TRPM3: variants seen among roughly 807,000 people sequenced by gnomAD.
TRPM3 encodes the protein long transient receptor potential channel 3.
In TRPM3, 77 loss-of-function variants were observed where a neutral mutation model predicts 181.2. That is an observed-to-expected ratio of 0.42 (90% CI 0.35 to 0.51). The LOEUF is 0.51. Among genes scored for constraint, TRPM3 ranks in the 20% least tolerant of loss-of-function variants. TRPM3 has a pLI of 0.01. For synonymous variants in TRPM3, 745 were observed against 796.4 expected, an observed-to-expected ratio of 0.94 and a Z score of 1.09; for missense variants, 1,759 against 2,196.7, an observed-to-expected ratio of 0.80 and a Z score of 3.98.
chr9:71,180,726 G>A (rs192360429), intron 1 of TRPM3, among the ~76,000 whole-genome samples: 4 of 152,226 alleles, frequency 2.6e-5, no homozygotes, highest in African/African-American at 9.6e-5. Context: ...AAGAAAGCTT[G>A]TATCATATAA....
chr9:70,618,811 ACT>A, intron 17 of TRPM3, 54 bp downstream of exon 17: 1 of 1,506,634 alleles, frequency 6.6e-7, no homozygotes, highest in Non-Finnish European at 9.1e-7. Flanking sequence ...GGCTGGGAAA[ACT>A]CTAACCCACC....
chr9:70,751,748 GA>G (rs2076165098), intron 8 of TRPM3, among the ~76,000 whole-genome samples: 8 of 152,058 alleles, frequency 5.3e-5, no homozygotes, highest in Non-Finnish European at 1.0e-4. Flanking sequence ...AAAAATTATG[GA>G]GGAAATGCAA....
At chr9:71,131,963 T>C (rs1402327656) in intron 1 of TRPM3, among the ~76,000 whole-genome samples, 1 of 152,204 alleles carries the variant, frequency 6.6e-6, no homozygotes, top group African/African-American at 2.4e-5. Flanking sequence ...AAGGCTTAAC[T>C]TGATGTCATA....
intron 1 of TRPM3, among the ~76,000 whole-genome samples, chr9:70,946,166 G>T (rs1311111286): frequency 6.6e-6 from 1 of 152,074 alleles, no homozygotes; most frequent in Non-Finnish European, 1.5e-5. Context: ...TAGAGACAGG[G>T]TCTAGCTATG....
chr9:71,112,686 T>C (rs1432362971), intron 1 of TRPM3, among the ~76,000 whole-genome samples: 1 of 152,156 alleles, frequency 6.6e-6, no homozygotes, highest in Non-Finnish European at 1.5e-5. Context: ...TTGAACAAGA[T>C]ATGATTCTCA....
intron 1 of TRPM3, among the ~76,000 whole-genome samples, chr9:71,353,116 T>C (rs576445748): frequency 3.4e-4 from 52 of 152,198 alleles, no homozygotes; most frequent in African/African-American, 1.3e-3. Flanking sequence ...CTGCTTGAAA[T>C]AACCTTCAGG....
intron 1 of TRPM3, among the ~76,000 whole-genome samples, chr9:71,442,717 T>A (rs572738485): frequency 1.3e-5 from 2 of 152,336 alleles, no homozygotes; most frequent in African/African-American, 4.8e-5. Flanking sequence ...AATGCTGGAT[T>A]TTTTTCTTTA....
intron 1 of TRPM3, among the ~76,000 whole-genome samples, chr9:71,129,632 A>G (rs2074252178): frequency 6.6e-6 from 1 of 152,194 alleles, no homozygotes; most frequent in South Asian, 2.1e-4. Context: ...GGTCTATCTT[A>G]TTCTATAACC....
chr9:70,664,475 A>T (rs2061537935), intron 9 of TRPM3, among the ~76,000 whole-genome samples: 1 of 152,138 alleles, frequency 6.6e-6, no homozygotes, highest in Non-Finnish European at 1.5e-5. Flanking sequence ...TTGCAGTGCA[A>T]GAGTCTTAAT....
At chr9:71,177,841 T>C (rs72733807) in intron 1 of TRPM3, among the ~76,000 whole-genome samples, 13,397 of 151,628 alleles carry the variant, frequency 0.088, 678 homozygotes, top group Non-Finnish European at 0.11. Flanking sequence ...TTGACTTTCA[T>C]GAGGTTTTCA....
intron 9 of TRPM3, among the ~76,000 whole-genome samples, chr9:70,646,675 A>G (rs931260161): frequency 3.3e-5 from 5 of 152,094 alleles, no homozygotes; most frequent in Admixed American, 6.6e-5. Flanking sequence ...TATGTAACAA[A>G]CCTGCATGTT....
intron 3 of TRPM3, among the ~76,000 whole-genome samples, chr9:70,849,639 G>A (rs2095143243): frequency 6.6e-6 from 1 of 152,184 alleles, no homozygotes; most frequent in African/African-American, 2.4e-5. Context: ...GGACAATACA[G>A]CATATAAATG....
chr9:71,383,936 TAAGTTA>T (rs2092865740), intron 1 of TRPM3, among the ~76,000 whole-genome samples: 1 of 152,224 alleles, frequency 6.6e-6, no homozygotes, highest in South Asian at 2.1e-4. Context: ...CTAGTGCTTA[TAAGTTA>T]GAGTTTTTTG....
chr9:70,547,067 A>G (rs1017962149), intron 25 of TRPM3, among the ~76,000 whole-genome samples: 1 of 152,192 alleles, frequency 6.6e-6, no homozygotes, highest in Non-Finnish European at 1.5e-5. Context: ...GTTTTAGGGC[A>G]GTGGCAGGAG....
chr9:70,846,082 G>A (rs1265120813), intron 4 of TRPM3, among the ~76,000 whole-genome samples: 2 of 152,140 alleles, frequency 1.3e-5, no homozygotes, highest in Admixed American at 1.3e-4. Flanking sequence ...AGAATTATTG[G>A]CAACTTGAGC....
chr9:71,356,523 G>A (rs6560198), intron 1 of TRPM3, among the ~76,000 whole-genome samples: 81,818 of 151,880 alleles, frequency 0.54, 22,198 homozygotes, highest in East Asian at 0.57. Context: ...GCTTCTTTCT[G>A]TCTTTATGAG....
chr9:70,974,505 C>T (rs368032471), intron 1 of TRPM3, among the ~76,000 whole-genome samples: 8 of 151,950 alleles, frequency 5.3e-5, no homozygotes, highest in African/African-American at 1.7e-4. Context: ...CGCCACTGCA[C>T]TCCAGCCTGG....
At chr9:70,977,594 G>C (rs940462118) in intron 1 of TRPM3, among the ~76,000 whole-genome samples, 3 of 152,146 alleles carry the variant, frequency 2.0e-5, no homozygotes, top group Non-Finnish European at 4.4e-5. Flanking sequence ...ACACATTAAG[G>C]GCTCAGTCCC....
intron 1 of TRPM3, among the ~76,000 whole-genome samples, chr9:71,094,438 G>T (rs2066760881): frequency 6.6e-6 from 1 of 152,060 alleles, no homozygotes. Flanking sequence ...TTCTAGTCCT[G>T]CATATCCTCA....
Sources: allele counts gnomAD v4.1 joint callset (sites outside exome capture counted in the v4.1 genomes callset), GRCh38; gene constraint gnomAD v4.1.1; transcripts MANE v1.5; gene names NCBI Gene and HGNC (gene_info 2026-07-23, HGNC 2026-07-21).